STEAP1B: variants seen among roughly 807,000 people sequenced by gnomAD.
The protein encoded by STEAP1B is STEAP family protein MGC87042.
Under a neutral mutation model 27.9 loss-of-function variants are expected in STEAP1B, and 13 were observed. That is an observed-to-expected ratio of 0.47 (90% CI 0.30 to 0.74). STEAP1B has a LOEUF of 0.74. Among genes scored for constraint, STEAP1B ranks in the 30% least tolerant of loss-of-function variants. STEAP1B has a pLI of 0.06. For missense variants in STEAP1B, 250 were observed against 298.7 expected (o/e 0.84, Z 1.20); for synonymous variants, 86 against 107.1 (o/e 0.80, Z 1.22).
At chr7:22,469,326 CAA>C (rs1215031103) in intron 4 of STEAP1B, among the ~76,000 whole-genome samples, 1 of 152,060 alleles carries the variant, frequency 6.6e-6, no homozygotes, top group African/African-American at 2.4e-5. Context: ...AGTGTTACTA[CAA>C]AAGAGTCAAA....
At chr7:22,436,018 AT>A (rs1438762417) in intron 4 of STEAP1B, among the ~76,000 whole-genome samples, 3 of 152,232 alleles carry the variant, frequency 2.0e-5, no homozygotes, top group Non-Finnish European at 4.4e-5. Flanking sequence ...CTTGTGTTGA[AT>A]TCCAGCCTCA....
chr7:22,456,054 G>A (rs1785573847), intron 4 of STEAP1B, among the ~76,000 whole-genome samples: 1 of 152,088 alleles, frequency 6.6e-6, no homozygotes, highest in Non-Finnish European at 1.5e-5. Context: ...GGCTGAGGCA[G>A]GAGAATGGCG....
intron 4 of STEAP1B, among the ~76,000 whole-genome samples, chr7:22,476,494 C>T (rs199663820): frequency 6.6e-6 from 1 of 152,192 alleles, no homozygotes. Flanking sequence ...CCATAACAGA[C>T]TCCACCTGGG....
intron 4 of STEAP1B, among the ~76,000 whole-genome samples, chr7:22,443,898 G>A (rs1785370743): frequency 6.6e-6 from 1 of 152,258 alleles, no homozygotes; most frequent in Admixed American, 6.5e-5. Flanking sequence ...GGCCAGAGAA[G>A]GAGCTGAGGT....
intron 4 of STEAP1B, among the ~76,000 whole-genome samples, chr7:22,471,270 T>C (rs1785878673): frequency 6.6e-6 from 1 of 152,168 alleles, no homozygotes; most frequent in South Asian, 2.1e-4. Context: ...CTTCTAGAAT[T>C]CTGAGGAAAG....
chr7:22,421,467 C>T (rs1258354323), intron 4 of STEAP1B, among the ~76,000 whole-genome samples: 1 of 152,214 alleles, frequency 6.6e-6, no homozygotes, highest in Non-Finnish European at 1.5e-5. Context: ...AGCCACACAG[C>T]ATGTCAAGGA....
chr7:22,463,076 GTTGT>G (rs1785708758), intron 4 of STEAP1B, among the ~76,000 whole-genome samples: 1 of 152,148 alleles, frequency 6.6e-6, no homozygotes, highest in African/African-American at 2.4e-5. Context: ...TTTTGATGGG[GTTGT>G]TTGTTTGATA....
chr7:22,487,956 G>T (rs1201876723), intron 4 of STEAP1B, among the ~76,000 whole-genome samples: 1 of 151,992 alleles, frequency 6.6e-6, no homozygotes, highest in African/African-American at 2.4e-5. Context: ...AATCAGGACT[G>T]CCCCCAGAAA....
At chr7:22,475,531 C>T (rs1785955757) in intron 4 of STEAP1B, among the ~76,000 whole-genome samples, 1 of 152,212 alleles carries the variant, frequency 6.6e-6, no homozygotes, top group East Asian at 1.9e-4. Context: ...GCCACCATGC[C>T]TGGCTAGTTT....
chr7:22,479,739 C>T (rs987087958), intron 4 of STEAP1B, among the ~76,000 whole-genome samples: 7 of 130,338 alleles, frequency 5.4e-5, no homozygotes, highest in African/African-American at 1.5e-4. Flanking sequence ...GGCTGAAGTA[C>T]AGTGGTGTGA....
At chr7:22,464,967 AGGCAC>A (rs1208361137) in intron 4 of STEAP1B, among the ~76,000 whole-genome samples, 11 of 109,410 alleles carry the variant, frequency 1.0e-4, no homozygotes, top group Non-Finnish European at 1.9e-4. Flanking sequence ...ATATATATGT[AGGCAC>A]AATAAGAGAT....
Position 22,468,984 on chromosome 7 carries a change from T to C in STEAP1B, c.762+23581A>G, listed in dbSNP as rs373860717. Among the ~76,000 whole-genome samples, 26 of 152,368 alleles carry C rather than the reference T, an allele frequency of 1.7e-4. 1 individual carries two copies. The highest frequency in any genetic ancestry group is 1.4e-3 in the South Asian group (7 of 4,832). The stretch of plus-strand genomic sequence containing the variant: ...TATTATCCTATACTTTTTATAATTA[T>C]TTTACAGTTTTTTTTAAAGGTTAAT... On this transcript the variant is annotated intron_variant, in intron 4 of 4. Coordinates refer to ENST00000678116, the MANE Select transcript of STEAP1B (RefSeq NM_001382447.1).
At chr7:22,456,952 C>CCATATATATA (rs1478025290) in intron 4 of STEAP1B, among the ~76,000 whole-genome samples, 1 of 73,284 alleles carries the variant, frequency 1.4e-5, no homozygotes, top group Non-Finnish European at 2.7e-5. Context: ...GGATAGGCAG[C>CCATATATATA]TATATATATA....
intron 4 of STEAP1B, among the ~76,000 whole-genome samples, chr7:22,462,462 A>G (rs1232720303): frequency 1.6e-5 from 2 of 126,176 alleles, no homozygotes; most frequent in African/African-American, 3.0e-5. Context: ...ATTCCCACCT[A>G]TGAGTGAGAA....
At chr7:22,454,010 A>G (rs1196502610) in intron 4 of STEAP1B, among the ~76,000 whole-genome samples, 1 of 152,230 alleles carries the variant, frequency 6.6e-6, no homozygotes, top group African/African-American at 2.4e-5. Flanking sequence ...ACATTCTTGG[A>G]CATGTCTTTT....
chr7:22,451,218 C>CT (rs1785483294), intron 4 of STEAP1B, among the ~76,000 whole-genome samples: 1 of 151,522 alleles, frequency 6.6e-6, no homozygotes, highest in African/African-American at 2.4e-5. Flanking sequence ...AAGAAAATTA[C>CT]TTTTTCAGAT....
intron 4 of STEAP1B, among the ~76,000 whole-genome samples, chr7:22,472,425 G>A (rs1017453982): frequency 1.3e-5 from 2 of 152,170 alleles, no homozygotes; most frequent in African/African-American, 2.4e-5. Flanking sequence ...TCAGCTTGGC[G>A]TCTTTGATGT....
At chr7:22,494,283 G>C (rs1456877842) in intron 2 of STEAP1B, among the ~76,000 whole-genome samples, 3 of 151,700 alleles carry the variant, frequency 2.0e-5, no homozygotes, top group Non-Finnish European at 4.4e-5. Context: ...TTGACCAAAA[G>C]TGGAAAAAGT....
At chr7:22,437,673 C>A (rs1450739095) in intron 4 of STEAP1B, among the ~76,000 whole-genome samples, 1 of 152,140 alleles carries the variant, frequency 6.6e-6, no homozygotes. Flanking sequence ...TCCTGAGGAA[C>A]CTCTATGCAG....
Sources: gnomAD v4.1 joint callset for allele counts (sites outside exome capture counted in the v4.1 genomes callset) on GRCh38, gnomAD v4.1.1 for gene constraint, MANE v1.5 for transcripts, NCBI Gene and HGNC (gene_info 2026-07-23, HGNC 2026-07-21) for gene names.